GATAD2A: variants seen among roughly 807,000 people sequenced by gnomAD.
GATAD2A encodes transcriptional repressor p66-alpha.
In GATAD2A, 12 loss-of-function variants were observed where a neutral mutation model predicts 68.5. The ratio of observed to expected loss-of-function variants is 0.18; its 90% CI spans 0.11 to 0.28. GATAD2A has a LOEUF of 0.28. Among genes scored for constraint, GATAD2A ranks in the 10% least tolerant of loss-of-function variants. The probability of loss-of-function intolerance (pLI) is 1.00; values close to 1 mark genes in which losing one functional copy is unlikely to be tolerated. For synonymous variants in GATAD2A, 410 were observed against 375.3 expected (o/e 1.09, Z -1.07); for missense variants, 755 against 868.5 (o/e 0.87, Z 1.64).
chr19:19,434,723 C>T (rs184220172), intron 1 of GATAD2A, among the ~76,000 whole-genome samples: 41 of 152,226 alleles, frequency 2.7e-4, no homozygotes, highest in African/African-American at 8.9e-4. Context: ...TGATACAAAC[C>T]GGAAGTGGAA....
chr19:19,408,363 A>C (rs1470513226), intron 1 of GATAD2A, among the ~76,000 whole-genome samples: 1 of 152,198 alleles, frequency 6.6e-6, no homozygotes, highest in African/African-American at 2.4e-5. Context: ...ATCATTTGGC[A>C]AATCCTATAA....
intron 1 of GATAD2A, among the ~76,000 whole-genome samples, chr19:19,411,094 A>C (rs546031815): frequency 6.6e-6 from 1 of 152,312 alleles, no homozygotes; most frequent in East Asian, 1.9e-4. Flanking sequence ...TTGGAGCCAC[A>C]CTGGGGCGCA....
intron 1 of GATAD2A, among the ~76,000 whole-genome samples, chr19:19,394,752 C>A (rs2146883840): frequency 6.6e-6 from 1 of 152,276 alleles, no homozygotes; most frequent in South Asian, 2.1e-4. Context: ...CCCAGGCTTT[C>A]CTCTTACACT....
intron 1 of GATAD2A, among the ~76,000 whole-genome samples, chr19:19,406,586 CCT>C (rs1337220031): frequency 6.6e-6 from 1 of 152,202 alleles, no homozygotes; most frequent in African/African-American, 2.4e-5. Context: ...GACCCTTTCC[CCT>C]CTCTGATCTC....
At chr19:19,451,069 C>G (rs970117244) in intron 1 of GATAD2A, among the ~76,000 whole-genome samples, 1 of 151,988 alleles carries the variant, frequency 6.6e-6, no homozygotes, top group African/African-American at 2.4e-5. Context: ...CGCACCCGGC[C>G]GAGATTCAAA....
At chr19:19,407,671 A>G (rs887118623) in intron 1 of GATAD2A, among the ~76,000 whole-genome samples, 1 of 152,200 alleles carries the variant, frequency 6.6e-6, no homozygotes, top group African/African-American at 2.4e-5. Flanking sequence ...ATCTGGTGAC[A>G]TGGGGACACC....
intron 1 of GATAD2A, among the ~76,000 whole-genome samples, chr19:19,413,027 G>C (rs1372630427): frequency 9.2e-5 from 14 of 152,176 alleles, no homozygotes; most frequent in Non-Finnish European, 2.1e-4. Flanking sequence ...TCGAATAATT[G>C]TAAAATGGGA....
intron 1 of GATAD2A, among the ~76,000 whole-genome samples, chr19:19,439,459 G>T (rs1031632579): frequency 6.6e-6 from 1 of 152,162 alleles, no homozygotes; most frequent in Non-Finnish European, 1.5e-5. Context: ...CAAGCACATG[G>T]AGTAGACACT....
In GATAD2A at chr19:19,492,728, C is replaced by T. The variant is rs756839991; in HGVS notation, c.534+16C>T. On this transcript the variant is annotated intron_variant, in intron 4 of 11. Coordinates refer to ENST00000683918, the MANE Select transcript of GATAD2A (RefSeq NM_001384528.1). ...CGCCCAGAAGGTGCGTGCCTGTCTC[C>T]CCTCCTTCCTGGGCCAGCAGGAGCG... 2 of 1,613,652 alleles carry T rather than the reference C, an allele frequency of 1.2e-6. No individual in the cohort carries two copies. Among genetic ancestry groups the T allele is most frequent in the Non-Finnish European group, 1.7e-6 (2 of 1,179,766 alleles).
chr19:19,502,551 C>CA, intron 11 of GATAD2A, 25 bp downstream of exon 11: 1 of 1,553,318 alleles, frequency 6.4e-7, no homozygotes, highest in East Asian at 2.2e-5. Context: ...CAGGGCTCCC[C>CA]AGGGGACCTG....
intron 2 of GATAD2A, among the ~76,000 whole-genome samples, chr19:19,474,845 TCA>T (rs2058561694): frequency 1.3e-5 from 2 of 152,204 alleles, no homozygotes; most frequent in African/African-American, 4.8e-5. Flanking sequence ...CTTGTTGTTC[TCA>T]GTCTTTATAG....
intron 1 of GATAD2A, chr19:19,427,664 A>G (rs1270373309): frequency 1.3e-5 from 2 of 155,996 alleles, no homozygotes; most frequent in Non-Finnish European, 2.8e-5. Context: ...GATTGAAGGT[A>G]TTTCTTTCTT....
At chr19:19,471,252 CAAAAA>C (rs536811641) in intron 2 of GATAD2A, among the ~76,000 whole-genome samples, 3 of 105,474 alleles carry the variant, frequency 2.8e-5, no homozygotes, top group Non-Finnish European at 4.2e-5. Flanking sequence ...AAGACTGTCT[CAAAAA>C]AAAAAAAAAA....
chr19:19,498,835 T>TGGTCCTG, intron 8 of GATAD2A, 113 bp downstream of exon 8: 1 of 880,770 alleles, frequency 1.1e-6, no homozygotes, highest in Non-Finnish European at 1.8e-6. Flanking sequence ...CTAGCCAGGA[T>TGGTCCTG]GGTCCTGGGT....
intron 1 of GATAD2A, among the ~76,000 whole-genome samples, chr19:19,390,724 C>G (rs939581275): frequency 6.6e-6 from 1 of 152,152 alleles, no homozygotes; most frequent in African/African-American, 2.4e-5. Flanking sequence ...GAACTATGTA[C>G]GCCTAAGGGA....
intron 1 of GATAD2A, among the ~76,000 whole-genome samples, chr19:19,414,168 A>G (rs2051296188): frequency 6.6e-6 from 1 of 152,128 alleles, no homozygotes; most frequent in Non-Finnish European, 1.5e-5. Flanking sequence ...GTTCAAATGT[A>G]ATTGCAGTCT....
chr19:19,398,016 G>A (rs776028637), intron 1 of GATAD2A, among the ~76,000 whole-genome samples: 16 of 151,988 alleles, frequency 1.1e-4, no homozygotes, highest in Non-Finnish European at 2.1e-4. Context: ...CAATTTTCCT[G>A]CCTCAGCTTC....
At chr19:19,487,435 G>A (rs1402753806) in intron 2 of GATAD2A, among the ~76,000 whole-genome samples, 1 of 152,172 alleles carries the variant, frequency 6.6e-6, no homozygotes, top group African/African-American at 2.4e-5. Flanking sequence ...TCTTCATAGG[G>A]GGGTGGGGTG....
chr19:19,501,520 T>G, intron 9 of GATAD2A, 104 bp downstream of exon 9: 1 of 893,764 alleles, frequency 1.1e-6, no homozygotes, highest in Non-Finnish European at 1.7e-6. Flanking sequence ...ACTGCACGTC[T>G]AAATTGCAGT....
Sources: allele counts gnomAD v4.1 joint callset (sites outside exome capture counted in the v4.1 genomes callset), GRCh38; gene constraint gnomAD v4.1.1; transcripts MANE v1.5; gene names NCBI Gene and HGNC (gene_info 2026-07-23, HGNC 2026-07-21).